Variants in IL2RA observed in about 807,000 individuals in gnomAD.
IL2RA encodes the protein interleukin-2 receptor subunit alpha.
IL2RA carries 24 observed loss-of-function variants against 37.8 expected under a neutral mutation model. The observed-to-expected ratio is 0.63, with a 90% CI of 0.46 to 0.89. The LOEUF (loss-of-function observed/expected upper bound fraction) is 0.89. IL2RA is among the 40% of genes least tolerant of loss of function. The probability of loss-of-function intolerance (pLI) is 0.00; values close to 1 mark genes in which losing one functional copy is unlikely to be tolerated. For synonymous variants in IL2RA, 125 were observed against 114.6 expected (o/e 1.09, Z -0.58); for missense variants, 319 against 348.6 (o/e 0.92, Z 0.68).
rs577323817 is a variant in IL2RA, at chr10:6,044,759, G to A, written c.64+17329C>T. ...AAAAATAAGACAGTGCAAAATATAA[G>A]TGGTGGTATAGGGACTTCACCTCCC... On this transcript the variant is annotated intron_variant, in intron 1 of 7. Transcript: ENST00000379959. The surrounding 1 kb of genome is among the most constrained non-coding windows in gnomAD (Gnocchi z 4.5). 4.6e-5 allele frequency among the ~76,000 whole-genome samples: 7 copies of A among 152,276 alleles called. No individual in the cohort carries two copies. Among genetic ancestry groups the A allele is most frequent in the Non-Finnish European group, 1.0e-4 (7 of 68,026 alleles).
chr10:6,015,010 G>C lies in IL2RA; in HGVS notation c.795-2114C>G, dbSNP rs1385862081. ...TTGGCCAGAGTGGATGCTGGCAGGGGTCAGGGAGGCCCTGGATAATCAAGA... is the reference window on the plus strand; with the variant it reads ...TTGGCCAGAGTGGATGCTGGCAGGGCTCAGGGAGGCCCTGGATAATCAAGA... On this transcript the variant is annotated intron_variant, in intron 7 of 7. Transcript: ENST00000379959. The surrounding 1 kb of genome is among the most constrained non-coding windows in gnomAD (Gnocchi z 4.9). 2.0e-5 allele frequency among the ~76,000 whole-genome samples: 3 copies of C among 152,140 alleles called. No homozygotes were observed.
intron 1 of IL2RA, among the ~76,000 whole-genome samples, chr10:6,053,710 G>A (rs983438911): frequency 1.2e-4 from 19 of 152,140 alleles, no homozygotes; most frequent in African/African-American, 4.6e-4. Context: ...GCCCAGGCTG[G>A]TCTCAAACTC....
At chr10:6,024,916 T>C (rs1427998266) in intron 2 of IL2RA, among the ~76,000 whole-genome samples, 1 of 152,116 alleles carries the variant, frequency 6.6e-6, no homozygotes, top group Non-Finnish European at 1.5e-5. Context: ...AGGGGGGTGA[T>C]CAGTATTCCA....
rs1248448339 is a variant in IL2RA, at chr10:6,021,882, G to A, written c.368-189C>T. ...TTTGCTAGGCCCTGTAGGAAGGCAC[G>A]AAGACCCTGTCACTCCTGCAAGGGG... On this transcript the variant is annotated intron_variant, in intron 3 of 7. Coordinates refer to ENST00000379959, the MANE Select transcript of IL2RA (RefSeq NM_000417.3). This position sits in a 1 kb window ranked among gnomAD's most constrained non-coding sequence, Gnocchi z 4.9. Among the ~76,000 whole-genome samples the A allele has an allele frequency of 2.6e-5, 4 of 152,152 alleles. No individual in the cohort carries two copies. The highest frequency in any genetic ancestry group is 6.5e-5 in the Admixed American group (1 of 15,280).
In IL2RA at chr10:6,036,713, A is replaced by G. The variant is rs996638057; in HGVS notation, c.65-10688T>C. On this transcript the variant is annotated intron_variant, in intron 1 of 7. Transcript: ENST00000379959. The surrounding 1 kb of genome is among the most constrained non-coding windows in gnomAD (Gnocchi z 6.1). ...TAGAATTGGAGTAGAATGAAAATTA[A>G]TTTTTCCCTGAGCTATTTTTGTGTC... Among the ~76,000 whole-genome samples the G allele has an allele frequency of 6.6e-6, 1 of 152,172 alleles. No homozygotes were observed. The highest frequency in any genetic ancestry group is 2.4e-5 in the African/African-American group (1 of 41,422).
At position 6,012,427 on chromosome 10, in the gene IL2RA, T is replaced by C. The variant is rs1297424486; in HGVS notation, c.*445A>G. ...GCAGACAATGTCCAGTTGTATAGGG[T>C]AGAGTGTGTGTGTTGTGTATTTACG... On this transcript the variant is annotated 3_prime_UTR_variant, in exon 8 of 8. Coordinates refer to ENST00000379959, the MANE Select transcript of IL2RA (RefSeq NM_000417.3). The surrounding 1 kb of genome is among the most constrained non-coding windows in gnomAD (Gnocchi z 4.8). The C allele has an allele frequency of 1.8e-5, 4 of 224,622 alleles. No individual in the cohort carries two copies. In the East Asian group the frequency reaches 4.1e-4, roughly 23 times the overall value. 13.9% of individuals were successfully genotyped at this position (224,622 alleles called of 1,614,324 possible).
At chr10:6,051,997 C>T (rs989290479) in intron 1 of IL2RA, among the ~76,000 whole-genome samples, 8 of 151,028 alleles carry the variant, frequency 5.3e-5, no homozygotes, top group African/African-American at 2.0e-4. Flanking sequence ...TTGGTCAGAG[C>T]TGTCCATTAT....
intron 1 of IL2RA, among the ~76,000 whole-genome samples, chr10:6,040,206 T>C (rs1589304189): frequency 6.6e-6 from 1 of 152,242 alleles, no homozygotes; most frequent in Non-Finnish European, 1.5e-5. Flanking sequence ...TAGAACCCAA[T>C]GATAAAATAT....
intron 1 of IL2RA, among the ~76,000 whole-genome samples, chr10:6,061,374 A>G (rs1176944452): frequency 1.3e-5 from 2 of 152,104 alleles, no homozygotes; most frequent in South Asian, 4.1e-4. Context: ...TGACAGAGAC[A>G]GTGTCAAAAA....
intron 1 of IL2RA, 108 bp downstream of exon 1, chr10:6,061,980 A>G (rs776841970): frequency 1.1e-4 from 102 of 919,748 alleles, no homozygotes; most frequent in Non-Finnish European, 1.7e-4. Context: ...CCAAGATTCA[A>G]CTCCCTTCTT....
intron 1 of IL2RA, among the ~76,000 whole-genome samples, chr10:6,026,686 C>A (rs1839488419): frequency 6.6e-6 from 1 of 152,176 alleles, no homozygotes; most frequent in African/African-American, 2.4e-5. Context: ...CAGGTCTAAT[C>A]AGAAAAATAA....
chr10:6,024,141 T>C, intron 3 of IL2RA, 103 bp downstream of exon 3: 1 of 779,932 alleles, frequency 1.3e-6, no homozygotes, highest in South Asian at 1.4e-5. Flanking sequence ...TGCATGTGTT[T>C]ATAGAAGGCA....
At chr10:6,031,441 AGTATATATATATAC>A (rs1839572831) in intron 1 of IL2RA, among the ~76,000 whole-genome samples, 1 of 84,328 alleles carries the variant, frequency 1.2e-5, no homozygotes, top group Non-Finnish European at 2.3e-5. Flanking sequence ...TAGCAATTTC[AGTATATATATATAC>A]ATATATATAT....
At chr10:6,037,388 T>G (rs1839705044) in intron 1 of IL2RA, among the ~76,000 whole-genome samples, 1 of 152,162 alleles carries the variant, frequency 6.6e-6, no homozygotes, top group Admixed American at 6.5e-5. Context: ...TCTTTGCCCC[T>G]TGGGTGAATC....
At position 6,011,170 on chromosome 10, in the gene IL2RA, G is replaced by C. The variant is rs12722606; in HGVS notation, c.*1702C>G. Reference sequence around the variant, plus strand: ...ATAGTTTCCCAAATGAATAATTTTCGTTAATGTTAATCGTGTGATGTTGTT... The same window carrying C: ...ATAGTTTCCCAAATGAATAATTTTCCTTAATGTTAATCGTGTGATGTTGTT... On this transcript the variant is annotated 3_prime_UTR_variant, in exon 8 of 8. Transcript: ENST00000379959. This position sits in a 1 kb window ranked among gnomAD's most constrained non-coding sequence, Gnocchi z 5.2. 1.3e-5 allele frequency: 2 copies of C among 152,256 alleles called. No homozygotes were observed. The highest frequency in any genetic ancestry group is 4.8e-5 in the African/African-American group (2 of 41,414). The allele number at this position is 152,256 out of a possible 1,614,324, so 9.4% of individuals were successfully genotyped here. A position where few individuals can be genotyped will look rare whatever the true frequency, so the allele number is the denominator to read the frequency against.
At position 6,062,162 on chromosome 10, in the gene IL2RA, C is replaced by T. The variant is rs1328696517; in HGVS notation, c.-11G>A. On this transcript the variant is annotated 5_prime_UTR_variant, in exon 1 of 8. Transcript: ENST00000379959. ...CAGGTATGAATCCATCTTCCTGACC[C>T]TTGGGACCAGCCGGGGCAGTGAAGC... 6.2e-7 allele frequency: 1 copy of T among 1,612,884 alleles called. No homozygotes were observed. The highest frequency in any genetic ancestry group is 8.5e-7 in the Non-Finnish European group (1 of 1,179,052).
In IL2RA at chr10:6,046,212, A is replaced by G. The variant is rs1489493236; in HGVS notation, c.64+15876T>C. ...CATACACTGTGTGTTGTTGACAGGG[A>G]TCATGCCTTTTCACAGACAATGACA... On this transcript the variant is annotated intron_variant, in intron 1 of 7. Coordinates refer to ENST00000379959, the MANE Select transcript of IL2RA (RefSeq NM_000417.3). The surrounding 1 kb of genome is among the most constrained non-coding windows in gnomAD (Gnocchi z 4.8). Among the ~76,000 whole-genome samples the G allele has an allele frequency of 6.6e-6, 1 of 152,174 alleles. No homozygotes were observed. The highest frequency in any genetic ancestry group is 1.5e-5 in the Non-Finnish European group (1 of 68,042).
intron 1 of IL2RA, among the ~76,000 whole-genome samples, chr10:6,059,554 T>A (rs1446256340): frequency 6.6e-6 from 1 of 152,202 alleles, no homozygotes; most frequent in African/African-American, 2.4e-5. Context: ...TCTGACCACA[T>A]CCCAGGGCCC....
rs541457833 is a variant in IL2RA at position 6,056,767 on chromosome 10, C to T, written c.64+5321G>A. Among the ~76,000 whole-genome samples the T allele has an allele frequency of 4.3e-4, 65 of 152,194 alleles. No homozygotes were observed. The highest frequency in any genetic ancestry group is 1.5e-3 in the South Asian group (7 of 4,820). ...AAACTGTCCAAAAAAAAAAAAGATT[C>T]CCCTTTCTCTTCTCTCAGGGAATGG... On this transcript the variant is annotated intron_variant, in intron 1 of 7. Transcript: ENST00000379959. The surrounding 1 kb of genome is among the most constrained non-coding windows in gnomAD (Gnocchi z 5.0).
Sources: allele counts gnomAD v4.1 joint callset (sites outside exome capture counted in the v4.1 genomes callset), GRCh38; gene constraint gnomAD v4.1.1; non-coding constraint Gnocchi (gnomAD v3.1); transcripts MANE v1.5; gene names NCBI Gene and HGNC (gene_info 2026-07-23, HGNC 2026-07-21).